The following SV2B variants were observed in gnomAD, a reference collection of about 807,000 sequenced individuals.
The protein encoded by SV2B is solute carrier family 22 member B2.
In SV2B, 41 loss-of-function variants were observed where a neutral mutation model predicts 73.9. That is an observed-to-expected ratio of 0.56 (90% CI 0.43 to 0.72). The LOEUF is 0.72. Among genes scored for constraint, SV2B ranks in the 30% least tolerant of loss-of-function variants. The pLI is 0.00. For missense variants in SV2B, 764 were observed against 857.8 expected, an observed-to-expected ratio of 0.89 and a Z score of 1.37; for synonymous variants, 314 against 314.2, an observed-to-expected ratio of 1.00 and a Z score of 0.01.
intron 1 of SV2B, among the ~76,000 whole-genome samples, chr15:91,144,580 G>C (rs965148687): frequency 3.3e-5 from 5 of 152,160 alleles, no homozygotes; most frequent in African/African-American, 1.2e-4. Flanking sequence ...AGTGGTGAAA[G>C]ACCTTTACTT....
intron 1 of SV2B, among the ~76,000 whole-genome samples, chr15:91,160,634 A>G (rs1161970521): frequency 6.6e-6 from 1 of 152,162 alleles, no homozygotes; most frequent in Admixed American, 6.6e-5. Flanking sequence ...ATAAAATAAA[A>G]ATAAAACGTA....
At chr15:91,183,737 A>G (rs2028019) in intron 1 of SV2B, among the ~76,000 whole-genome samples, 55,922 of 152,104 alleles carry the variant, frequency 0.37, 10,763 homozygotes, top group East Asian at 0.7. Flanking sequence ...AAAGCTGTAT[A>G]AATGTCAATG....
At chr15:91,271,715 G>A (rs2048323566) in intron 9 of SV2B, among the ~76,000 whole-genome samples, 1 of 152,086 alleles carries the variant, frequency 6.6e-6, no homozygotes, top group South Asian at 2.1e-4. Flanking sequence ...AGCGATCTAA[G>A]GAATGAAAGG....
intron 2 of SV2B, among the ~76,000 whole-genome samples, chr15:91,249,979 A>G (rs950994483): frequency 3.9e-5 from 6 of 152,226 alleles, no homozygotes; most frequent in Non-Finnish European, 8.8e-5. Context: ...CTTCCAGAAA[A>G]TTGAAGGTGA....
chr15:91,145,818 C>A (rs1245528352), intron 1 of SV2B, among the ~76,000 whole-genome samples: 1 of 152,124 alleles, frequency 6.6e-6, no homozygotes, highest in African/African-American at 2.4e-5. Flanking sequence ...ATGTCCTTTG[C>A]CCACTTTTTA....
chr15:91,189,309 C>T (rs956966060), intron 1 of SV2B, among the ~76,000 whole-genome samples: 6 of 152,162 alleles, frequency 3.9e-5, no homozygotes, highest in Non-Finnish European at 7.3e-5. Flanking sequence ...CTTTCGTAGG[C>T]ATCCATTCCA....
In SV2B at chr15:91,245,182, T is replaced by C. The variant is rs2047174905; in HGVS notation, c.452-6637T>C. Among the ~76,000 whole-genome samples, 1 of 152,194 alleles carries C rather than the reference T, an allele frequency of 6.6e-6. No individual in the cohort carries two copies. The highest frequency in any genetic ancestry group is 6.6e-5 in the Admixed American group (1 of 15,264). ...TCTAAAGCTGAGAAGAGGTTTCTGA[T>C]ATCTGCCAGCTCTCTAGAAGGATAT... On this transcript the variant is annotated intron_variant, in intron 2 of 12. Coordinates refer to ENST00000394232, the MANE Select transcript of SV2B (RefSeq NM_001323032.3). This position sits in a 1 kb window ranked among gnomAD's most constrained non-coding sequence, Gnocchi z 4.2.
At chr15:91,107,858 AC>A (rs1474308074) in intron 1 of SV2B, among the ~76,000 whole-genome samples, 1 of 152,082 alleles carries the variant, frequency 6.6e-6, no homozygotes, top group African/African-American at 2.4e-5. Context: ...TGATTCTTCC[AC>A]CTTAGTCCCC....
intron 1 of SV2B, among the ~76,000 whole-genome samples, chr15:91,213,325 G>A (rs2045927581): frequency 6.6e-6 from 1 of 152,184 alleles, no homozygotes; most frequent in South Asian, 2.1e-4. Flanking sequence ...CTGGCAGTGG[G>A]AGATGCAGTT....
At chr15:91,233,446 A>G (rs570372831) in intron 2 of SV2B, among the ~76,000 whole-genome samples, 1 of 152,340 alleles carries the variant, frequency 6.6e-6, no homozygotes, top group African/African-American at 2.4e-5. Flanking sequence ...TTCCCTTGAA[A>G]GAGATCCTTA....
chr15:91,196,179 A>G (rs2045238896), intron 1 of SV2B, among the ~76,000 whole-genome samples: 1 of 152,210 alleles, frequency 6.6e-6, no homozygotes, highest in Non-Finnish European at 1.5e-5. Flanking sequence ...GAAGAAAATC[A>G]CATTTGATGT....
chr15:91,237,855 T>C (rs927267619), intron 2 of SV2B, among the ~76,000 whole-genome samples: 2 of 152,238 alleles, frequency 1.3e-5, no homozygotes, highest in African/African-American at 4.8e-5. Context: ...CATTAAAAAA[T>C]CTTGTACAGT....
chr15:91,286,373 T>A (rs2048860922), intron 11 of SV2B, among the ~76,000 whole-genome samples: 1 of 152,224 alleles, frequency 6.6e-6, no homozygotes, highest in African/African-American at 2.4e-5. Context: ...AGTGTGCAAG[T>A]CATTTCTTGT....
At chr15:91,193,607 T>C (rs186579303) in intron 1 of SV2B, among the ~76,000 whole-genome samples, 1 of 152,272 alleles carries the variant, frequency 6.6e-6, no homozygotes, top group Non-Finnish European at 1.5e-5. Flanking sequence ...CATCCAAGTA[T>C]GTGAGAGAAG....
chr15:91,103,795 C>T (rs746809283), intron 1 of SV2B, among the ~76,000 whole-genome samples: 5 of 152,186 alleles, frequency 3.3e-5, no homozygotes, highest in Non-Finnish European at 5.9e-5. Context: ...CCCGAGTCCA[C>T]CTCAGAAGGC....
At chr15:91,153,188 T>C (rs554953158) in intron 1 of SV2B, among the ~76,000 whole-genome samples, 6 of 152,332 alleles carry the variant, frequency 3.9e-5, no homozygotes, top group African/African-American at 1.4e-4. Flanking sequence ...GGTGGAGCCC[T>C]CGTGACTTAC....
At position 91,129,131 on chromosome 15, in the gene SV2B, G is replaced by T. The variant is rs774593294; in HGVS notation, c.-392+28768G>T. Among the ~76,000 whole-genome samples the T allele has an allele frequency of 2.0e-5, 3 of 152,206 alleles. No individual in the cohort carries two copies. The highest frequency in any genetic ancestry group is 4.4e-5 in the Non-Finnish European group (3 of 68,046). On this transcript the variant is annotated intron_variant, in intron 1 of 12. Transcript: ENST00000394232. This position sits in a 1 kb window ranked among gnomAD's most constrained non-coding sequence, Gnocchi z 5.1. The stretch of plus-strand genomic sequence containing the variant: ...TTCAAACAGGAGTGAAATAATCCCA[G>T]CGACAGCGTATGTGTGAGATCCTTG...
intron 1 of SV2B, among the ~76,000 whole-genome samples, chr15:91,103,738 A>G (rs1163278117): frequency 6.6e-6 from 1 of 152,234 alleles, no homozygotes; most frequent in Admixed American, 6.5e-5. Context: ...TCTGTGAAAT[A>G]GAATGAGGTG....
At chr15:91,104,177 T>C (rs2041814635) in intron 1 of SV2B, among the ~76,000 whole-genome samples, 1 of 152,212 alleles carries the variant, frequency 6.6e-6, no homozygotes, top group Non-Finnish European at 1.5e-5. Flanking sequence ...CTCACATGTC[T>C]CTTGGTTGGC....
Sources: gnomAD v4.1 joint callset for allele counts (sites outside exome capture counted in the v4.1 genomes callset) on GRCh38, gnomAD v4.1.1 for gene constraint, Gnocchi (gnomAD v3.1) non-coding constraint, MANE v1.5 for transcripts, NCBI Gene and HGNC (gene_info 2026-07-23, HGNC 2026-07-21) for gene names.